NOP14: variants seen among roughly 807,000 people sequenced by gnomAD.
The protein encoded by NOP14 is nucleolar protein 14.
NOP14 carries 57 observed loss-of-function variants against 101.6 expected under a neutral mutation model. The ratio of observed to expected loss-of-function variants is 0.56; its 90% CI spans 0.45 to 0.70. The LOEUF is 0.70. Ranked by LOEUF, NOP14 falls within the 30% of genes least tolerant of loss-of-function variation. The pLI is 0.00. For synonymous variants in NOP14, 428 were observed against 424.0 expected, an observed-to-expected ratio of 1.01 and a Z score of -0.12; for missense variants, 1,134 against 1,075.5, an observed-to-expected ratio of 1.05 and a Z score of -0.76.
chr4:2,945,158 G>A lies in NOP14; in HGVS notation c.1707C>T (p.Ala569=), dbSNP rs1160956388. The part of the protein sequence containing the change: ...SDFWHPVVTP[A]LVCLSQLLTK... The stretch of plus-strand genomic sequence containing the variant: ...TGAGCAGCTGACTGAGGCACACGAG[G>A]GCAGGGGTCACCACTGGGTGCCAGA... The change falls in exon 12 of 18, where the codon GCC becomes GCT. Residue 569 remains alanine (A), a synonymous_variant. Transcript: ENST00000416614. The A allele has an allele frequency of 1.3e-6, 2 of 1,593,020 alleles. No homozygotes were observed. The highest frequency in any genetic ancestry group is 3.3e-4 in the Middle Eastern group (2 of 6,040).
In NOP14 at chr4:2,951,236, G is replaced by A. The variant is rs1426918561; in HGVS notation, c.880C>T (p.Leu294Phe). The A allele has an allele frequency of 6.2e-7, 1 of 1,613,810 alleles. No homozygotes were observed. The highest frequency in any genetic ancestry group is 2.2e-5 in the East Asian group (1 of 44,884). The part of the protein sequence containing the change: ...EHLRKLEAER[L>F]RRMLGKDEDE... ...TCATCCTTTCCAAGCATTCTTCGAA[G>A]TCTCTCAGCCTGAGCAGGAAGGAAT... Residue 294 changes from leucine to phenylalanine, a missense_variant, in exon 7 of 18, where the codon CTT (leucine) becomes TTT (phenylalanine). Leu to Phe is a conservative substitution (Grantham distance 22). Coordinates refer to ENST00000416614, the MANE Select transcript of NOP14 (RefSeq NM_001291978.2).
intron 15 of NOP14, chr4:2,941,249 G>A (rs144199370): frequency 1.8e-4 from 53 of 288,054 alleles, no homozygotes; most frequent in African/African-American, 1.1e-3. Context: ...AACCCATCGG[G>A]ACTGCAGAGC....
In NOP14 at chr4:2,963,204, T is replaced by A. The variant is rs1333262250; in HGVS notation, c.116A>T (p.Gln39Leu). 6.3e-7 allele frequency: 1 copy of A among 1,586,988 alleles called. No individual in the cohort carries two copies. The highest frequency in any genetic ancestry group is 1.8e-5 in the Admixed American group (1 of 56,192). ...CTTCCGGCCCAGGATCTGGAACTTC[T>A]GCCTGTTAACTTTCACCTCGAACGG... ...SNPFEVKVNR[Q>L]KFQILGRKTR... Residue 39 changes from glutamine (Q) to leucine (L), a missense_variant, in exon 1 of 18, where the codon CAG becomes CTG. Coordinates refer to ENST00000416614, the MANE Select transcript of NOP14 (RefSeq NM_001291978.2).
At chr4:2,950,889 T>A (rs72613120) in intron 7 of NOP14, 8 of 260,810 alleles carry the variant, frequency 3.1e-5, no homozygotes, top group Non-Finnish European at 4.7e-5. Context: ...AGAGAGAGAG[T>A]GAGAAAGAGA....
chr4:2,945,328 GGA>G, intron 11 of NOP14, 99 bp from the exon 12 acceptor site: 5 of 899,056 alleles, frequency 5.6e-6, no homozygotes, highest in Non-Finnish European at 8.7e-6. Flanking sequence ...GATCTGGCGA[GGA>G]GAGGGTGCAT....
rs1447370715 is a variant in NOP14 at position 2,939,343 on chromosome 4, G to A, written c.2319C>T (p.Val773=). ...TGCCTTGTTTTCTTCCAAACTCGAG[G>A]CTACAACCAGAAAGCCACTGTTAAG... The part of the protein sequence containing the change: ...LKLFTPRLVK[V]LEFGRKQGSS... The change falls in exon 17 of 18, where the codon GTC becomes GTT. Residue 773 remains valine, a splice_region_variant and synonymous_variant. Transcript: ENST00000416614. The A allele has an allele frequency of 1.2e-6, 2 of 1,613,898 alleles. No homozygotes were observed. Among genetic ancestry groups the A allele is most frequent in the African/African-American group, 2.7e-5 (2 of 74,906 alleles).
At position 2,941,875 on chromosome 4, in the gene NOP14, C is replaced by T. The variant is rs544444914; in HGVS notation, c.2052-146G>A. ...TTGGCCGGCCAGGGTTGGGCCCATG[C>T]AACCACGGGCAAGGCAGGCTCAGGG... On this transcript the variant is annotated intron_variant, in intron 14 of 17. Transcript: ENST00000416614. The T allele has an allele frequency of 5.1e-5, 46 of 907,792 alleles. No individual in the cohort carries two copies. The African/African-American group carries it at 6.0e-4, about 12-fold the overall frequency. The allele number at this position is 907,792 out of a possible 1,614,324, so 56.2% of individuals were successfully genotyped here. A position where few individuals can be genotyped will look rare whatever the true frequency, so the allele number is the denominator to read the frequency against.
At chr4:2,961,881 A>C (rs534388803) in intron 1 of NOP14, 2 of 152,370 alleles carry the variant, frequency 1.3e-5, no homozygotes, top group East Asian at 3.9e-4. Context: ...TCCCCGTCCC[A>C]GGCCTTCAGC....
intron 12 of NOP14, 54 bp downstream of exon 12, chr4:2,945,074 C>T: frequency 7.7e-7 from 1 of 1,306,614 alleles, no homozygotes; most frequent in Non-Finnish European, 1.1e-6. Flanking sequence ...GGCTGTGGCT[C>T]CGGCCACCCG....
rs919473249 is a variant in NOP14 at position 2,953,597 on chromosome 4, G to C, written c.661C>G (p.Leu221Val). Reference protein sequence around the residue: ...REDALELTEKLDQDWKEIQTL... With the variant: ...REDALELTEKVDQDWKEIQTL... ...TGAATTTCTTTCCAGTCTTGGTCTA[G>C]CTTCTCCGTGAGCTCGAGGGCATCT... The change falls in exon 5 of 18, where the codon CTA (leucine) becomes GTA (valine). Residue 221 changes from leucine (L) to valine (V), a missense_variant. Transcript: ENST00000416614. 31 of 1,614,134 alleles carry C rather than the reference G, an allele frequency of 1.9e-5. No individual in the cohort carries two copies. Among genetic ancestry groups the C allele is most frequent in the Non-Finnish European group, 2.6e-5 (31 of 1,180,032 alleles).
chr4:2,944,972 G>A (rs900677126), intron 12 of NOP14, among the ~76,000 whole-genome samples, 156 bp downstream of exon 12: 8 of 152,202 alleles, frequency 5.3e-5, no homozygotes, highest in African/African-American at 1.9e-4. Flanking sequence ...TCGAGCCGGG[G>A]CTCTTTTAGA....
Position 2,944,239 on chromosome 4 carries a change from A to AT in NOP14, c.1738-14dup. 6.2e-7 allele frequency: 1 copy of AT among 1,606,964 alleles called. No individual in the cohort carries two copies. Among genetic ancestry groups the AT allele is most frequent in the East Asian group, 2.2e-5 (1 of 44,852 alleles). ...ACAGGATGGGGCACTGGAAAGGAAC[A>AT]TATGGGGGGTTACTGTCCTGGGACG... is the stretch of plus-strand genomic sequence containing the variant. On this transcript the variant is annotated splice_polypyrimidine_tract_variant and intron_variant, in intron 12 of 17. Transcript: ENST00000416614.
In NOP14 at chr4:2,938,906, T is replaced by C; in HGVS notation, c.2499A>G (p.Val833=). 1 of 1,614,214 alleles carries C rather than the reference T, an allele frequency of 6.2e-7. No individual in the cohort carries two copies. The highest frequency in any genetic ancestry group is 8.5e-7 in the Non-Finnish European group (1 of 1,180,026). ...TAGCCAGGCTGTTAAAAAGCTGCTT[T>C]ACTTTCCGCTTTCTTTCCGCATCCC... The part of the protein sequence containing the change: ...MERDAERKRK[V]KQLFNSLATQ... Residue 833 remains valine (V), a synonymous_variant, in exon 18 of 18, where the codon GTA becomes GTG. Coordinates refer to ENST00000416614, the MANE Select transcript of NOP14 (RefSeq NM_001291978.2).
chr4:2,957,852 G>A, intron 1 of NOP14, 112 bp from the exon 2 acceptor site: 1 of 1,066,544 alleles, frequency 9.4e-7, no homozygotes. Flanking sequence ...TGATGTCAAA[G>A]TTCACACCCA....
intron 3 of NOP14, among the ~76,000 whole-genome samples, chr4:2,955,098 GC>G (rs1431902377): frequency 7.1e-6 from 1 of 140,232 alleles, no homozygotes; most frequent in Admixed American, 7.1e-5. Flanking sequence ...GCGCCACGGC[GC>G]CCCCTCTAGT....
Position 2,938,564 on chromosome 4 carries a change from A to C in NOP14, c.*267T>G. 1 of 480,546 alleles carries C rather than the reference A, an allele frequency of 2.1e-6. No homozygotes were observed. The highest frequency in any genetic ancestry group is 3.7e-6 in the Non-Finnish European group (1 of 267,334). The allele number at this position is 480,546 out of a possible 1,614,324, so 29.8% of individuals were successfully genotyped here. A position where few individuals can be genotyped will look rare whatever the true frequency, so the allele number is the denominator to read the frequency against. ...TGCACTGTGGCCGAGGCTGGAGTGCAGTGGCTCAATCACGGCTCACTGTAA... is the reference window on the plus strand; with the variant it reads ...TGCACTGTGGCCGAGGCTGGAGTGCCGTGGCTCAATCACGGCTCACTGTAA... On this transcript the variant is annotated 3_prime_UTR_variant, in exon 18 of 18. Transcript: ENST00000416614.
chr4:2,950,790 G>A (rs372728199), intron 7 of NOP14: 40 of 230,446 alleles, frequency 1.7e-4, no homozygotes, highest in African/African-American at 8.2e-4. Flanking sequence ...ATAGTATGAT[G>A]AGGTCATGCA....
At chr4:2,955,405 G>A (rs539297595) in intron 3 of NOP14, among the ~76,000 whole-genome samples, 3 of 118,258 alleles carry the variant, frequency 2.5e-5, no homozygotes, top group Admixed American at 8.9e-5. Flanking sequence ...ACGCCACGGC[G>A]CCCCCTCTAG....
At chr4:2,960,719 T>C (rs1024303707) in intron 1 of NOP14, among the ~76,000 whole-genome samples, 16 of 99,242 alleles carry the variant, frequency 1.6e-4, no homozygotes, top group Non-Finnish European at 3.4e-4. Context: ...ATATTAATAT[T>C]ATAATCACAT....
Sources: allele counts gnomAD v4.1 joint callset (sites outside exome capture counted in the v4.1 genomes callset), GRCh38; gene constraint gnomAD v4.1.1; transcripts MANE v1.5; gene names NCBI Gene and HGNC (gene_info 2026-07-23, HGNC 2026-07-21).